MAP3K7: variants seen among roughly 807,000 people sequenced by gnomAD.
MAP3K7 encodes the protein mitogen-activated protein kinase kinase kinase 7.
Under a neutral mutation model 84.8 loss-of-function variants are expected in MAP3K7, and 21 were observed. That is an observed-to-expected ratio of 0.25 (90% CI 0.18 to 0.36). The LOEUF (loss-of-function observed/expected upper bound fraction) is 0.36, where lower values mean the gene tolerates loss of function less well. Among genes scored for constraint, MAP3K7 ranks in the 10% least tolerant of loss-of-function variants. The pLI, the probability that MAP3K7 is intolerant of heterozygous loss-of-function variation, is 1.00. For missense variants in MAP3K7, 503 were observed against 747.7 expected, an observed-to-expected ratio of 0.67 and a Z score of 3.82; for synonymous variants, 241 against 247.7, an observed-to-expected ratio of 0.97 and a Z score of 0.25.
chr6:90,579,231 G>A (rs1777186667), intron 1 of MAP3K7, among the ~76,000 whole-genome samples: 1 of 152,168 alleles, frequency 6.6e-6, no homozygotes. Flanking sequence ...TTTAGAAGGG[G>A]GTTTTAAAAA....
intron 12 of MAP3K7, among the ~76,000 whole-genome samples, chr6:90,537,806 T>C (rs536815902): frequency 2.6e-5 from 4 of 152,120 alleles, no homozygotes; most frequent in South Asian, 2.1e-4. Flanking sequence ...CCGTGACTAA[T>C]AAGCAATTTT....
chr6:90,535,852 T>C (rs938453663), intron 13 of MAP3K7, among the ~76,000 whole-genome samples: 1 of 152,138 alleles, frequency 6.6e-6, no homozygotes, highest in African/African-American at 2.4e-5. Context: ...ATCTTAAGGA[T>C]ATTTGAAAAA....
At chr6:90,537,332 C>T (rs892010104) in intron 12 of MAP3K7, 1 of 151,998 alleles carries the variant, frequency 6.6e-6, no homozygotes, top group Admixed American at 6.6e-5. Flanking sequence ...CATGTACTCA[C>T]TCTAATTGTA....
At chr6:90,525,884 A>G (rs1775305195) in intron 13 of MAP3K7, among the ~76,000 whole-genome samples, 1 of 151,664 alleles carries the variant, frequency 6.6e-6, no homozygotes, top group South Asian at 2.1e-4. Flanking sequence ...CAAAATTTAT[A>G]TGCTGTACAT....
chr6:90,579,071 A>G (rs1242838486), intron 1 of MAP3K7, among the ~76,000 whole-genome samples: 1 of 152,222 alleles, frequency 6.6e-6, no homozygotes, highest in Non-Finnish European at 1.5e-5. Context: ...GTCAGCTTTC[A>G]GGTATGTTTC....
chr6:90,575,526 C>T (rs939410177), intron 1 of MAP3K7, among the ~76,000 whole-genome samples: 1 of 152,190 alleles, frequency 6.6e-6, no homozygotes, highest in East Asian at 1.9e-4. Context: ...CGGGTTCCCT[C>T]AGCCCCAGTA....
chr6:90,550,543 G>A lies in MAP3K7; in HGVS notation c.874C>T (p.Pro292Ser), dbSNP rs781446047. 1.9e-6 allele frequency: 3 copies of A among 1,603,064 alleles called. No homozygotes were observed. The South Asian group carries it at 3.3e-5, about 18-fold the overall frequency. The change falls in exon 9 of 17, where the codon CCA becomes TCA. Residue 292 changes from proline (P) to serine (S), a missense_variant. Physicochemically the swap from Pro to Ser is moderately conservative, Grantham distance 74. Transcript: ENST00000369329. ...TACTGTAATGGCTCATCTGCTCCTG[G>A]AAAGTACTATATATAAAAAAGTAAA... Reference protein sequence around the residue: ...KIMTHLMRYFPGADEPLQYPC... With the variant: ...KIMTHLMRYFSGADEPLQYPC...
intron 1 of MAP3K7, among the ~76,000 whole-genome samples, chr6:90,573,476 T>C (rs1169184764): frequency 6.6e-6 from 1 of 152,214 alleles, no homozygotes; most frequent in Non-Finnish European, 1.5e-5. Context: ...ACTCTAGCCA[T>C]AGCTTAAATT....
chr6:90,531,957 A>T (rs1026101376), intron 13 of MAP3K7, among the ~76,000 whole-genome samples: 3 of 134,088 alleles, frequency 2.2e-5, no homozygotes, highest in African/African-American at 8.0e-5. Context: ...TGTGTCTCGG[A>T]AAAAAAAAAA....
intron 1 of MAP3K7, among the ~76,000 whole-genome samples, chr6:90,574,230 G>A (rs1776998750): frequency 6.6e-6 from 1 of 152,102 alleles, no homozygotes; most frequent in South Asian, 2.1e-4. Flanking sequence ...GCTTGGAATT[G>A]GGTATGAATC....
chr6:90,529,991 A>G (rs1233869679), intron 13 of MAP3K7, among the ~76,000 whole-genome samples: 3 of 152,230 alleles, frequency 2.0e-5, no homozygotes, highest in Non-Finnish European at 4.4e-5. Flanking sequence ...CATACACCAA[A>G]GAAAACCAGT....
intron 12 of MAP3K7, among the ~76,000 whole-genome samples, chr6:90,542,016 G>T (rs999583358): frequency 7.9e-5 from 12 of 151,992 alleles, no homozygotes; most frequent in African/African-American, 2.7e-4. Context: ...TATTTAAAAA[G>T]AATCCTTGCA....
rs1774908482 is a variant in MAP3K7 at position 90,514,898 on chromosome 6, A to G, written c.*1603T>C. 1 of 152,018 alleles carries G rather than the reference A, an allele frequency of 6.6e-6. No individual in the cohort carries two copies. The highest frequency in any genetic ancestry group is 6.6e-5 in the Admixed American group (1 of 15,232). 9.4% of individuals were successfully genotyped at this position (152,018 alleles called of 1,614,324 possible). ...TTATTTAAATTAAATGACAGAAGACATTTATTTCCAGGAAGCTTTCTAAAA... is the reference window on the plus strand; with the variant it reads ...TTATTTAAATTAAATGACAGAAGACGTTTATTTCCAGGAAGCTTTCTAAAA... On this transcript the variant is annotated 3_prime_UTR_variant, in exon 17 of 17. Coordinates refer to ENST00000369329, the MANE Select transcript of MAP3K7 (RefSeq NM_145331.3).
intron 12 of MAP3K7, 130 bp from the exon 13 acceptor site, chr6:90,536,531 AG>A (rs1775685700): frequency 1.5e-6 from 1 of 652,664 alleles, no homozygotes. Flanking sequence ...GGGAAAAAAA[AG>A]TGAGTTTATT....
At chr6:90,572,208 A>G (rs1222473999) in intron 1 of MAP3K7, among the ~76,000 whole-genome samples, 1 of 152,130 alleles carries the variant, frequency 6.6e-6, no homozygotes, top group East Asian at 1.9e-4. Flanking sequence ...TTCAGCTATC[A>G]TATTTAAGAA....
intron 1 of MAP3K7, among the ~76,000 whole-genome samples, chr6:90,575,591 G>A (rs1434041420): frequency 6.6e-6 from 1 of 152,152 alleles, no homozygotes; most frequent in African/African-American, 2.4e-5. Context: ...AGCTAACTGA[G>A]AAGTAAGGAG....
At chr6:90,563,826 G>A (rs1330911088) in intron 3 of MAP3K7, among the ~76,000 whole-genome samples, 1 of 152,236 alleles carries the variant, frequency 6.6e-6, no homozygotes, top group South Asian at 2.1e-4. Flanking sequence ...GAGAAAGGTC[G>A]GGTTACCCAC....
chr6:90,547,417 C>T, intron 10 of MAP3K7, 30 bp from the exon 11 acceptor site: 1 of 1,601,032 alleles, frequency 6.2e-7, no homozygotes. Flanking sequence ...ATCTGAATTA[C>T]TGAAGTTCTT....
intron 1 of MAP3K7, among the ~76,000 whole-genome samples, chr6:90,575,896 A>G (rs1349846654): frequency 2.0e-5 from 3 of 152,192 alleles, no homozygotes; most frequent in African/African-American, 7.2e-5. Context: ...TTGGGACATC[A>G]GAAATACAGA....
Sources: gnomAD v4.1 joint callset for allele counts (sites outside exome capture counted in the v4.1 genomes callset) on GRCh38, gnomAD v4.1.1 for gene constraint, MANE v1.5 for transcripts, NCBI Gene and HGNC (gene_info 2026-07-23, HGNC 2026-07-21) for gene names.